ROBO1: variants seen among roughly 807,000 people sequenced by gnomAD.
ROBO1 encodes the protein roundabout guidance receptor 1.
In ROBO1, 149 loss-of-function variants were observed where a neutral mutation model predicts 195.9. That is an observed-to-expected ratio of 0.76 (90% CI 0.67 to 0.87). ROBO1 has a LOEUF of 0.87. Ranked by LOEUF, ROBO1 falls within the 40% of genes least tolerant of loss-of-function variation. The pLI is 0.00. For missense variants in ROBO1, 1,933 were observed against 2,068.3 expected (o/e 0.93, Z 1.27); for synonymous variants, 816 against 733.2 (o/e 1.11, Z -1.82).
chr3:78,930,446 G>A (rs2039451299), intron 4 of ROBO1, among the ~76,000 whole-genome samples: 1 of 152,160 alleles, frequency 6.6e-6, no homozygotes, highest in Admixed American at 6.6e-5. Flanking sequence ...TACAATAAGA[G>A]AGTGACAGGT....
At chr3:79,720,480 T>C (rs940896170) in intron 1 of ROBO1, among the ~76,000 whole-genome samples, 18 of 152,220 alleles carry the variant, frequency 1.2e-4, no homozygotes, top group South Asian at 2.1e-4. Flanking sequence ...GCCACTCAGT[T>C]AAGTCCAGTC....
chr3:79,149,916 G>T (rs2080732895), intron 2 of ROBO1, among the ~76,000 whole-genome samples: 1 of 151,738 alleles, frequency 6.6e-6, no homozygotes, highest in Non-Finnish European at 1.5e-5. Context: ...TTTCAAAATG[G>T]TTACTTTTCT....
chr3:78,679,735 T>A (rs1431194665), intron 10 of ROBO1, among the ~76,000 whole-genome samples: 1 of 152,014 alleles, frequency 6.6e-6, no homozygotes, highest in African/African-American at 2.4e-5. Flanking sequence ...AGAATCAATA[T>A]CGTGAAAATG....
intron 2 of ROBO1, among the ~76,000 whole-genome samples, chr3:79,180,934 G>A (rs951969445): frequency 1.3e-5 from 2 of 152,138 alleles, no homozygotes; most frequent in Admixed American, 6.6e-5. Context: ...CCAACATCCC[G>A]GGGTGTCCTA....
At chr3:79,040,146 G>C (rs973913049) in intron 3 of ROBO1, among the ~76,000 whole-genome samples, 2 of 152,058 alleles carry the variant, frequency 1.3e-5, no homozygotes, top group Admixed American at 6.5e-5. Flanking sequence ...GACTTCACAA[G>C]TACCCTAGGA....
chr3:79,721,463 CA>C (rs766572974), intron 1 of ROBO1, among the ~76,000 whole-genome samples: 26 of 152,048 alleles, frequency 1.7e-4, no homozygotes, highest in Non-Finnish European at 2.9e-4. Context: ...ATTGGTTTTA[CA>C]AATAGGAGGA....
At chr3:79,722,837 G>C (rs11127662) in intron 1 of ROBO1, among the ~76,000 whole-genome samples, 134,254 of 152,124 alleles carry the variant, frequency 0.88, 59,297 homozygotes, top group Middle Eastern at 0.95. Flanking sequence ...TAATAATAGG[G>C]AGCACATTCC....
intron 2 of ROBO1, among the ~76,000 whole-genome samples, chr3:79,289,470 A>G (rs1402379399): frequency 3.3e-5 from 5 of 152,138 alleles, no homozygotes; most frequent in Non-Finnish European, 7.4e-5. Context: ...TTTTAAACCA[A>G]TGGATGTCTC....
intron 4 of ROBO1, among the ~76,000 whole-genome samples, chr3:78,787,926 CTTTTTTTTTTTTTTTT>C (rs71127358): frequency 1.4e-5 from 1 of 71,670 alleles, no homozygotes; most frequent in Admixed American, 2.2e-4. Context: ...GACCCCTTCT[CTTTTTTTTTTTTTTTT>C]TTTTTTTTTT....
intron 4 of ROBO1, among the ~76,000 whole-genome samples, chr3:78,768,770 T>C (rs1012775571): frequency 4.0e-5 from 6 of 151,614 alleles, no homozygotes; most frequent in African/African-American, 9.7e-5. Flanking sequence ...TAACTCGTCA[T>C]CTAGCATTAG....
chr3:79,271,268 C>T (rs1055027204), intron 2 of ROBO1, among the ~76,000 whole-genome samples: 14 of 151,842 alleles, frequency 9.2e-5, no homozygotes, highest in African/African-American at 3.1e-4. Context: ...CTGAATCTAT[C>T]ATTTATTCTT....
At chr3:78,648,748 T>C (rs183519215) in intron 19 of ROBO1, among the ~76,000 whole-genome samples, 2 of 152,196 alleles carry the variant, frequency 1.3e-5, no homozygotes, top group Admixed American at 1.3e-4. Context: ...TAAAATAATC[T>C]TTAGTAGAAA....
At chr3:79,449,507 C>T (rs1396725523) in intron 2 of ROBO1, among the ~76,000 whole-genome samples, 4 of 151,796 alleles carry the variant, frequency 2.6e-5, no homozygotes, top group Non-Finnish European at 5.9e-5. Flanking sequence ...TAAAAACGAC[C>T]CTGTGTACAT....
At chr3:79,612,698 C>G (rs969549372) in intron 1 of ROBO1, among the ~76,000 whole-genome samples, 3 of 142,752 alleles carry the variant, frequency 2.1e-5, no homozygotes, top group Non-Finnish European at 3.1e-5. Context: ...CCTGTTGTTT[C>G]CTGACTTTTT....
chr3:79,525,334 T>C (rs1004343945), intron 2 of ROBO1, among the ~76,000 whole-genome samples: 14 of 149,666 alleles, frequency 9.4e-5, no homozygotes, highest in African/African-American at 3.4e-4. Context: ...TAATAAAATA[T>C]TAAAATAATT....
At chr3:78,689,673 G>A (rs1212631445) in intron 8 of ROBO1, among the ~76,000 whole-genome samples, 3 of 151,816 alleles carry the variant, frequency 2.0e-5, no homozygotes, top group Non-Finnish European at 4.4e-5. Context: ...CTCTTGTCTC[G>A]GTTTAAATTG....
intron 1 of ROBO1, among the ~76,000 whole-genome samples, chr3:79,737,745 G>C (rs1045868113): frequency 6.6e-6 from 1 of 152,154 alleles, no homozygotes; most frequent in Non-Finnish European, 1.5e-5. Flanking sequence ...ACCTGGCAGA[G>C]TTAAGCACAG....
At chr3:79,504,888 C>T (rs1011998918) in intron 2 of ROBO1, among the ~76,000 whole-genome samples, 7 of 151,982 alleles carry the variant, frequency 4.6e-5, no homozygotes, top group East Asian at 3.9e-4. Flanking sequence ...TGTATGTATG[C>T]GGAGATACTT....
At chr3:79,417,124 A>C (rs1276337357) in intron 2 of ROBO1, among the ~76,000 whole-genome samples, 1 of 152,168 alleles carries the variant, frequency 6.6e-6, no homozygotes, top group Non-Finnish European at 1.5e-5. Context: ...CTTAATTTCC[A>C]TCCTCTTGAT....
Sources: gnomAD v4.1 joint callset for allele counts (sites outside exome capture counted in the v4.1 genomes callset) on GRCh38, gnomAD v4.1.1 for gene constraint, MANE v1.5 for transcripts, NCBI Gene and HGNC (gene_info 2026-07-23, HGNC 2026-07-21) for gene names.